The following MAP4K3 variants were observed in gnomAD, a reference collection of about 807,000 sequenced individuals.
MAP4K3 encodes mitogen-activated protein kinase kinase kinase kinase 3, also known as MAPK/ERK kinase kinase kinase 3.
In MAP4K3, 94 loss-of-function variants were observed where a neutral mutation model predicts 143.5. The observed-to-expected ratio is 0.65, with a 90% CI of 0.55 to 0.78. The LOEUF (loss-of-function observed/expected upper bound fraction) is 0.78. MAP4K3 is among the 30% of genes least tolerant of loss of function. The pLI, the probability that MAP4K3 is intolerant of heterozygous loss-of-function variation, is 0.00. For missense variants in MAP4K3, 1,077 were observed against 1,068.1 expected, an observed-to-expected ratio of 1.01 and a Z score of -0.12; for synonymous variants, 416 against 347.2, an observed-to-expected ratio of 1.20 and a Z score of -2.20.
chr2:39,299,769 T>C lies in MAP4K3; in HGVS notation c.1152A>G (p.Gln384=). Residue 384 remains glutamine, a synonymous_variant, in exon 16 of 34, where the codon CAA becomes CAG. Coordinates refer to ENST00000263881, the MANE Select transcript of MAP4K3 (RefSeq NM_003618.4). ...DLQLEYGQGH[Q]GGYFLGANKS... The stretch of plus-strand genomic sequence containing the variant: ...TGTTTGCACCTAAAAAGTAACCACC[T>C]TGGTGTCCTTGTCCATATTCCAGTT... 6.3e-7 allele frequency: 1 copy of C among 1,577,248 alleles called. No homozygotes were observed.
intron 1 of MAP4K3, among the ~76,000 whole-genome samples, chr2:39,392,692 T>C (rs1196399514): frequency 3.3e-5 from 5 of 152,156 alleles, no homozygotes; most frequent in Non-Finnish European, 7.3e-5. Context: ...GGTGGGGTGA[T>C]TGGGTCATAA....
chr2:39,263,303 C>T (rs1208758869), intron 28 of MAP4K3, among the ~76,000 whole-genome samples: 2 of 141,168 alleles, frequency 1.4e-5, no homozygotes, highest in African/African-American at 5.3e-5. Flanking sequence ...GACGGAGTCT[C>T]GCTCTGTGGC....
chr2:39,360,114 T>C (rs1665724280), intron 2 of MAP4K3, among the ~76,000 whole-genome samples: 1 of 152,222 alleles, frequency 6.6e-6, no homozygotes, highest in African/African-American at 2.4e-5. Flanking sequence ...TATGCTCTGC[T>C]TCCTCTTGAA....
intron 11 of MAP4K3, 23 bp downstream of exon 11, chr2:39,325,707 A>T (rs1256913047): frequency 4.4e-6 from 7 of 1,579,598 alleles, no homozygotes; most frequent in Non-Finnish European, 6.1e-6. Context: ...ATATATATAT[A>T]TATTTCAGGG....
intron 3 of MAP4K3, among the ~76,000 whole-genome samples, chr2:39,347,024 T>C (rs1453981145): frequency 6.6e-6 from 1 of 152,044 alleles, no homozygotes; most frequent in Non-Finnish European, 1.5e-5. Context: ...CCCTGAGACA[T>C]TTTCAGAGGG....
chr2:39,293,450 T>C (rs1353275387), intron 16 of MAP4K3, among the ~76,000 whole-genome samples, 182 bp from the exon 17 acceptor site: 4 of 152,210 alleles, frequency 2.6e-5, no homozygotes, highest in Non-Finnish European at 4.4e-5. Context: ...TTTAATAAAA[T>C]ACCTCTATTT....
rs544913359 is a variant in MAP4K3 at position 39,249,493 on chromosome 2, C to A, written c.*1125G>T. ...ACATATTCCATTGGAAAAAAGCAATCAAAAATGACTTAAACCAAAACTAAG... is the reference window on the plus strand; with the variant it reads ...ACATATTCCATTGGAAAAAAGCAATAAAAAATGACTTAAACCAAAACTAAG... On this transcript the variant is annotated 3_prime_UTR_variant, in exon 34 of 34. Transcript: ENST00000263881. 4 of 152,568 alleles carry A rather than the reference C, an allele frequency of 2.6e-5. No individual in the cohort carries two copies. In the South Asian group the frequency reaches 6.2e-4, roughly 24 times the overall value. 9.5% of individuals were successfully genotyped at this position (152,568 alleles called of 1,614,324 possible).
chr2:39,325,190 T>C (rs934869955), intron 12 of MAP4K3, among the ~76,000 whole-genome samples: 2 of 152,208 alleles, frequency 1.3e-5, no homozygotes, highest in African/African-American at 4.8e-5. Flanking sequence ...ACTTCCCATT[T>C]GCTTTCCCTT....
At chr2:39,311,238 T>C (rs1276915241) in intron 13 of MAP4K3, among the ~76,000 whole-genome samples, 1 of 152,052 alleles carries the variant, frequency 6.6e-6, no homozygotes, top group African/African-American at 2.4e-5. Context: ...CCACTATACC[T>C]AGCTAAGTTT....
At chr2:39,430,969 C>T (rs1008680914) in intron 1 of MAP4K3, among the ~76,000 whole-genome samples, 1 of 152,146 alleles carries the variant, frequency 6.6e-6, no homozygotes. Context: ...CGTGTTGGTT[C>T]ATTTATTCAT....
chr2:39,260,839 A>G, intron 28 of MAP4K3, 62 bp from the exon 29 acceptor site: 1 of 1,163,860 alleles, frequency 8.6e-7, no homozygotes, highest in Non-Finnish European at 1.2e-6. Context: ...ATTCTATGAG[A>G]ATACTATAAA....
intron 15 of MAP4K3, among the ~76,000 whole-genome samples, chr2:39,307,615 TA>T (rs1682757139): frequency 6.6e-6 from 1 of 151,752 alleles, no homozygotes; most frequent in Non-Finnish European, 1.5e-5. Context: ...TCTAGTTCAT[TA>T]AAACAAGTTA....
In MAP4K3 at chr2:39,326,163, A is replaced by C. The variant is rs1683483796; in HGVS notation, c.645T>G (p.Phe215Leu). 6.2e-7 allele frequency: 1 copy of C among 1,613,580 alleles called. No homozygotes were observed. Among genetic ancestry groups the C allele is most frequent in the Non-Finnish European group, 8.5e-7 (1 of 1,179,800 alleles). ...IELAELQPPM[F>L]DLHPMRALFL... ...GCACTGACCTCATTGGGTGTAAGTC[A>C]AACATAGGAGGCTGAAGCTCTGCAA... is the stretch of plus-strand genomic sequence containing the variant. The change falls in exon 9 of 34, where the codon TTT becomes TTG. Residue 215 changes from phenylalanine (F) to leucine (L), a missense_variant. By Grantham distance (22) the Phe-to-Leu change is conservative. Around this residue, in one of 2 missense-constraint regions of MAP4K3, gnomAD observed 864 missense variants for 801.2 expected, o/e 1.08. Transcript: ENST00000263881.
intron 2 of MAP4K3, among the ~76,000 whole-genome samples, chr2:39,358,419 G>C (rs1665672436): frequency 2.0e-5 from 3 of 152,098 alleles, no homozygotes; most frequent in Admixed American, 1.3e-4. Context: ...CAGAATATCA[G>C]CTTTTGGTTT....
rs1292646313 is a variant in MAP4K3 at position 39,249,437 on chromosome 2, A to T, written c.*1181T>A. ...AAAGAACATATACCAAAAAGAGCCA[A>T]AAGTGTGCATTTTGCTAAAACCTGG... On this transcript the variant is annotated 3_prime_UTR_variant, in exon 34 of 34. Coordinates refer to ENST00000263881, the MANE Select transcript of MAP4K3 (RefSeq NM_003618.4). 6.6e-6 allele frequency: 1 copy of T among 152,650 alleles called. No individual in the cohort carries two copies. The highest frequency in any genetic ancestry group is 1.5e-5 in the Non-Finnish European group (1 of 68,020). The allele number at this position is 152,650 out of a possible 1,614,324, so 9.5% of individuals were successfully genotyped here. A position where few individuals can be genotyped will look rare whatever the true frequency, so the allele number is the denominator to read the frequency against.
intron 26 of MAP4K3, among the ~76,000 whole-genome samples, chr2:39,268,026 G>A (rs1267240121): frequency 6.6e-6 from 1 of 152,098 alleles, no homozygotes; most frequent in Non-Finnish European, 1.5e-5. Flanking sequence ...TACATGTACT[G>A]TAAAAAGCTG....
At chr2:39,413,796 C>A (rs1667296037) in intron 1 of MAP4K3, among the ~76,000 whole-genome samples, 2 of 151,724 alleles carry the variant, frequency 1.3e-5, no homozygotes, top group Non-Finnish European at 2.9e-5. Flanking sequence ...CTTGTAGGTG[C>A]TAAGAACCTC....
intron 5 of MAP4K3, 25 bp from the exon 6 acceptor site, chr2:39,336,992 T>C (rs934727006): frequency 4.1e-6 from 5 of 1,208,340 alleles, no homozygotes; most frequent in Admixed American, 4.4e-5. Context: ...AACAGAAAAA[T>C]AAACAAGATT....
rs142433237 is a variant in MAP4K3, at chr2:39,410,558, T to C, written c.96+26334A>G. Among the ~76,000 whole-genome samples the C allele has an allele frequency of 8.5e-3, 1,291 of 152,276 alleles. 18 individuals carry two copies. The highest frequency in any genetic ancestry group is 0.029 in the African/African-American group (1,225 of 41,542). On this transcript the variant is annotated intron_variant, in intron 1 of 33. Coordinates refer to ENST00000263881, the MANE Select transcript of MAP4K3 (RefSeq NM_003618.4). ...CAGCCAAAAATCTTATTACATGATT[T>C]TGGAACACATACACAAGTGTGTGCA...
Sources: gnomAD v4.1 joint callset for allele counts (sites outside exome capture counted in the v4.1 genomes callset) on GRCh38, gnomAD v4.1.1 for gene constraint, gnomAD v4.1.1 regional missense constraint, MANE v1.5 for transcripts, NCBI Gene and HGNC (gene_info 2026-07-23, HGNC 2026-07-21) for gene names.